The following JAKMIP2 variants were observed in gnomAD, a reference collection of about 807,000 sequenced individuals.
JAKMIP2 encodes janus kinase and microtubule interacting protein 2, also known as janus kinase and microtubule-interacting protein 2.
Under a neutral mutation model 115.0 loss-of-function variants are expected in JAKMIP2, and 25 were observed. That is an observed-to-expected ratio of 0.22 (90% CI 0.16 to 0.30). The LOEUF is 0.30. Ranked by LOEUF, JAKMIP2 falls within the 10% of genes least tolerant of loss-of-function variation. JAKMIP2 has a pLI of 1.00. For missense variants in JAKMIP2, 642 were observed against 957.6 expected, an observed-to-expected ratio of 0.67 and a Z score of 4.35; for synonymous variants, 334 against 343.6, an observed-to-expected ratio of 0.97 and a Z score of 0.31.
chr5:147,647,418 A>G (rs1443046711), intron 5 of JAKMIP2, among the ~76,000 whole-genome samples: 1 of 152,112 alleles, frequency 6.6e-6, no homozygotes, highest in Non-Finnish European at 1.5e-5. Context: ...AAAAACAAAA[A>G]CGTAAGCCAT....
intron 1 of JAKMIP2, among the ~76,000 whole-genome samples, chr5:147,680,509 A>G (rs1322829323): frequency 6.6e-6 from 1 of 152,352 alleles, no homozygotes; most frequent in East Asian, 1.9e-4. Context: ...GTTCACATGT[A>G]TGAAGCTAAA....
rs1025194857 is a variant in JAKMIP2 at position 147,588,554 on chromosome 5, TAGAG to T, written c.*3149_*3152del. The T allele has an allele frequency of 1.1e-4, 17 of 152,130 alleles. No homozygotes were observed. Among genetic ancestry groups the T allele is most frequent in the Middle Eastern group, 3.4e-3 (1 of 294 alleles). 9.4% of individuals were successfully genotyped at this position (152,130 alleles called of 1,614,324 possible). ...CTTTTATAATTGTGAAAATGGATAATAGAGAGATGTATCTATTGAAATATTTATA... is the reference window on the plus strand; with the variant it reads ...CTTTTATAATTGTGAAAATGGATAATAGATGTATCTATTGAAATATTTATA... On this transcript the variant is annotated 3_prime_UTR_variant, in exon 22 of 22. Coordinates refer to ENST00000616793, the MANE Select transcript of JAKMIP2 (RefSeq NM_001270941.2).
Position 147,589,757 on chromosome 5 carries a change from C to A in JAKMIP2, c.*1950G>T. 6.6e-6 allele frequency: 1 copy of A among 152,170 alleles called. No homozygotes were observed. 9.4% of individuals were successfully genotyped at this position (152,170 alleles called of 1,614,324 possible). On this transcript the variant is annotated 3_prime_UTR_variant, in exon 22 of 22. Coordinates refer to ENST00000616793, the MANE Select transcript of JAKMIP2 (RefSeq NM_001270941.2). ...TTAAAGATCCTGGTTTTGAATCTCT[C>A]AATTTTTATTGCTAATAATGTCCCA...
chr5:147,601,841 A>T, intron 20 of JAKMIP2, 30 bp from the exon 21 acceptor site: 1 of 1,070,182 alleles, frequency 9.3e-7, no homozygotes, highest in South Asian at 1.4e-5. Context: ...AGATTATGTA[A>T]ATCTGAATTT....
chr5:147,676,066 G>C (rs774437904), intron 1 of JAKMIP2, among the ~76,000 whole-genome samples: 15 of 152,282 alleles, frequency 9.9e-5, no homozygotes, highest in Admixed American at 3.3e-4. Flanking sequence ...GGGTGCGGTG[G>C]CTCACGCCTG....
intron 1 of JAKMIP2, among the ~76,000 whole-genome samples, chr5:147,684,240 T>TA (rs11438517): frequency 0.3 from 44,729 of 151,182 alleles, 7,738 homozygotes; most frequent in African/African-American, 0.48. Context: ...GTGGTAGAGT[T>TA]AAAGATAATA....
At chr5:147,693,981 G>T (rs920468058) in intron 1 of JAKMIP2, among the ~76,000 whole-genome samples, 1 of 152,150 alleles carries the variant, frequency 6.6e-6, no homozygotes, top group Admixed American at 6.5e-5. Flanking sequence ...GTTCCAGATA[G>T]GTGAAGTTTA....
intron 1 of JAKMIP2, among the ~76,000 whole-genome samples, chr5:147,750,594 A>ACACAC (rs1561575467): frequency 2.0e-5 from 3 of 151,322 alleles, no homozygotes; most frequent in East Asian, 1.9e-4. Flanking sequence ...ACACACACAC[A>ACACAC]AAAGAAACCT....
intron 1 of JAKMIP2, among the ~76,000 whole-genome samples, chr5:147,703,452 G>A (rs1341268893): frequency 6.6e-6 from 1 of 152,116 alleles, no homozygotes; most frequent in Non-Finnish European, 1.5e-5. Context: ...TTCTGGGTGA[G>A]CGAATAAGTG....
At chr5:147,664,964 C>A (rs969574059) in intron 2 of JAKMIP2, among the ~76,000 whole-genome samples, 4 of 152,172 alleles carry the variant, frequency 2.6e-5, no homozygotes, top group African/African-American at 9.6e-5. Context: ...CCCTCCTCAA[C>A]CCCTTCCCAG....
intron 1 of JAKMIP2, among the ~76,000 whole-genome samples, chr5:147,714,124 G>A (rs1338100809): frequency 6.6e-6 from 1 of 152,096 alleles, no homozygotes. Flanking sequence ...GACAGCATGA[G>A]TAAGAACCAG....
At chr5:147,726,555 C>T (rs927339534) in intron 1 of JAKMIP2, among the ~76,000 whole-genome samples, 1 of 152,296 alleles carries the variant, frequency 6.6e-6, no homozygotes, top group South Asian at 2.1e-4. Flanking sequence ...TTGTGAGGTA[C>T]GTCTGAAGCT....
chr5:147,609,632 C>T (rs1234929713), intron 20 of JAKMIP2, among the ~76,000 whole-genome samples: 1 of 152,060 alleles, frequency 6.6e-6, no homozygotes, highest in Non-Finnish European at 1.5e-5. Flanking sequence ...TTCAACCTTG[C>T]TTAATCTGAT....
chr5:147,600,026 C>A (rs931344467), intron 21 of JAKMIP2, among the ~76,000 whole-genome samples: 1 of 151,226 alleles, frequency 6.6e-6, no homozygotes, highest in African/African-American at 2.4e-5. Flanking sequence ...TTCTGTAAAC[C>A]ACCATGTATT....
intron 20 of JAKMIP2, among the ~76,000 whole-genome samples, chr5:147,611,447 C>T (rs939921182): frequency 2.0e-5 from 3 of 152,208 alleles, no homozygotes; most frequent in Non-Finnish European, 2.9e-5. Context: ...GGGATTTCCC[C>T]GACCCCTTGC....
intron 1 of JAKMIP2, among the ~76,000 whole-genome samples, chr5:147,729,740 C>G (rs1753656659): frequency 6.7e-6 from 1 of 150,086 alleles, no homozygotes; most frequent in South Asian, 2.1e-4. Context: ...CGCCTCTGCA[C>G]TCCAGCCTGG....
Position 147,713,758 on chromosome 5 carries a change from C to T in JAKMIP2, c.-148-41804G>A, listed in dbSNP as rs767045860. ...CAGGAGAAATGGCTAAGAGGCTGAACGGAGGTTTTGGCAGACTAATGGGGG... is the reference window on the plus strand; with the variant it reads ...CAGGAGAAATGGCTAAGAGGCTGAATGGAGGTTTTGGCAGACTAATGGGGG... On this transcript the variant is annotated intron_variant, in intron 1 of 21. Coordinates refer to ENST00000616793, the MANE Select transcript of JAKMIP2 (RefSeq NM_001270941.2). Among the ~76,000 whole-genome samples the T allele has an allele frequency of 5.9e-5, 9 of 152,064 alleles. No homozygotes were observed. The East Asian group carries it at 7.7e-4, about 13-fold the overall frequency.
At chr5:147,620,818 T>C in intron 17 of JAKMIP2, 75 bp from the exon 18 acceptor site, 1 of 1,027,210 alleles carries the variant, frequency 9.7e-7, no homozygotes, top group Non-Finnish European at 1.5e-6. Context: ...TTGATTAATG[T>C]TTCCTCTAAT....
At position 147,589,804 on chromosome 5, in the gene JAKMIP2, C is replaced by T. The variant is rs1755029158; in HGVS notation, c.*1903G>A. The T allele has an allele frequency of 6.6e-6, 1 of 152,146 alleles. No individual in the cohort carries two copies. Among genetic ancestry groups the T allele is most frequent in the South Asian group, 2.1e-4 (1 of 4,828 alleles). The allele number at this position is 152,146 out of a possible 1,614,324, so 9.4% of individuals were successfully genotyped here. A position where few individuals can be genotyped will look rare whatever the true frequency, so the allele number is the denominator to read the frequency against. ...CCCAAGTAGCTTGATAAGCAAGCTT[C>T]AGTGCTATAGTGCTTAAATTTAACC... On this transcript the variant is annotated 3_prime_UTR_variant, in exon 22 of 22. Transcript: ENST00000616793.
Sources: allele counts gnomAD v4.1 joint callset (sites outside exome capture counted in the v4.1 genomes callset), GRCh38; gene constraint gnomAD v4.1.1; transcripts MANE v1.5; gene names NCBI Gene and HGNC (gene_info 2026-07-23, HGNC 2026-07-21).